The following C12orf42 variants were observed in gnomAD, a reference collection of about 807,000 sequenced individuals.
C12orf42 encodes the protein uncharacterized protein C12orf42.
In C12orf42, 25 loss-of-function variants were observed where a neutral mutation model predicts 21.6. That is an observed-to-expected ratio of 1.16 (90% CI 0.84 to 1.62). The LOEUF (loss-of-function observed/expected upper bound fraction) is 1.62, where lower values mean the gene tolerates loss of function less well. C12orf42 is among the 40% of genes most tolerant of loss of function. The probability of loss-of-function intolerance (pLI) is 0.00; values close to 1 mark genes in which losing one functional copy is unlikely to be tolerated. For synonymous variants in C12orf42, 174 were observed against 175.0 expected, an observed-to-expected ratio of 0.99 and a Z score of 0.05; for missense variants, 483 against 459.3, an observed-to-expected ratio of 1.05 and a Z score of -0.47.
chr12:103,431,309 T>C (rs1592773272), intron 2 of C12orf42: 1 of 152,204 alleles, frequency 6.6e-6, no homozygotes, highest in Non-Finnish European at 1.5e-5. Flanking sequence ...CTAAAAGTGA[T>C]GGAGTTGAAA....
chr12:103,222,970 T>C, the C12orf42 span, among the ~76,000 whole-genome samples: 1 of 151,982 alleles, frequency 6.6e-6, no homozygotes, highest in South Asian at 2.1e-4. Context: ...CACTGGCTTC[T>C]TCCATTCAGT....
chr12:103,333,390 AT>A (rs2041416493), intron 4 of C12orf42, among the ~76,000 whole-genome samples: 1 of 152,232 alleles, frequency 6.6e-6, no homozygotes, highest in South Asian at 2.1e-4. Context: ...AATGTCAGTC[AT>A]TATTGCCATT....
At chr12:103,428,510 A>T (rs1221908605) in intron 2 of C12orf42, among the ~76,000 whole-genome samples, 1 of 152,200 alleles carries the variant, frequency 6.6e-6, no homozygotes, top group Non-Finnish European at 1.5e-5. Context: ...CCAGGACCAG[A>T]AGGATTCACA....
chr12:103,357,019 C>T (rs1033996905), intron 4 of C12orf42, among the ~76,000 whole-genome samples: 20 of 151,692 alleles, frequency 1.3e-4, no homozygotes, highest in African/African-American at 4.6e-4. Flanking sequence ...AATTGGAAAT[C>T]ATCATTCTCA....
At chr12:103,395,121 T>C (rs1291761845) in intron 3 of C12orf42, among the ~76,000 whole-genome samples, 1 of 152,260 alleles carries the variant, frequency 6.6e-6, no homozygotes, top group Middle Eastern at 3.2e-3. Flanking sequence ...TCTTACGTTC[T>C]ATCATTCAGC....
At chr12:103,141,672 G>C in the C12orf42 span, among the ~76,000 whole-genome samples, 1 of 151,900 alleles carries the variant, frequency 6.6e-6, no homozygotes, top group African/African-American at 2.4e-5. Flanking sequence ...TGGGATTACA[G>C]GCGTCCACCA....
chr12:103,533,543 G>C, the C12orf42 span, among the ~76,000 whole-genome samples: 2 of 152,166 alleles, frequency 1.3e-5, no homozygotes, highest in African/African-American at 4.8e-5. Context: ...GGGAACCAAA[G>C]CTCACACTGT....
chr12:103,443,323 G>A (rs1951375235), intron 2 of C12orf42, among the ~76,000 whole-genome samples: 1 of 152,040 alleles, frequency 6.6e-6, no homozygotes, highest in African/African-American at 2.4e-5. Context: ...ATATTTTTAT[G>A]TTCATTATCT....
the C12orf42 span, among the ~76,000 whole-genome samples, chr12:103,535,508 A>T: frequency 2.0e-5 from 3 of 151,986 alleles, no homozygotes; most frequent in Admixed American, 6.6e-5. Flanking sequence ...TTGGTAGATC[A>T]TGGGAGCCTT....
At chr12:103,156,648 C>T in the C12orf42 span, among the ~76,000 whole-genome samples, 5 of 152,132 alleles carry the variant, frequency 3.3e-5, no homozygotes, top group African/African-American at 1.2e-4. Context: ...CCACAACAGG[C>T]CCTTGTGTGT....
chr12:103,517,682 TA>T, the C12orf42 span, among the ~76,000 whole-genome samples: 8,895 of 152,160 alleles, frequency 0.058, 869 homozygotes, highest in African/African-American at 0.2. Flanking sequence ...TGCTTTGAAT[TA>T]TTTTTTTTCA....
chr12:103,471,820 AT>A (rs369556526), intron 2 of C12orf42, among the ~76,000 whole-genome samples: 349 of 152,276 alleles, frequency 2.3e-3, no homozygotes, highest in African/African-American at 7.9e-3. Context: ...TGACCTCTCT[AT>A]TTTTCCATTC....
chr12:103,099,865 GT>G, the C12orf42 span, among the ~76,000 whole-genome samples: 1 of 152,112 alleles, frequency 6.6e-6, no homozygotes, highest in Non-Finnish European at 1.5e-5. Context: ...AATATACCAA[GT>G]TTTTTGTGAA....
rs758389492 is a variant in C12orf42 at position 103,358,426 on chromosome 12, G to C, written c.259+10461C>G. On this transcript the variant is annotated intron_variant, in intron 4 of 5. Coordinates refer to ENST00000548883, the MANE Select transcript of C12orf42 (RefSeq NM_198521.5). ...CTGGAATAAGCCATTTCAGGAGTAA[G>C]AGCAATTCATCCAAGTTAATCAAGA... Among the ~76,000 whole-genome samples the C allele has an allele frequency of 5.9e-5, 9 of 152,124 alleles. 1 individual carries two copies. The highest frequency in any genetic ancestry group is 1.2e-4 in the Non-Finnish European group (8 of 67,962).
At chr12:103,448,036 G>A (rs575396699) in intron 2 of C12orf42, among the ~76,000 whole-genome samples, 3 of 151,758 alleles carry the variant, frequency 2.0e-5, no homozygotes, top group Admixed American at 1.3e-4. Flanking sequence ...ATTACCCAAC[G>A]TCAAACTATA....
intron 4 of C12orf42, among the ~76,000 whole-genome samples, chr12:103,352,253 G>A (rs2043162914): frequency 1.3e-5 from 2 of 152,132 alleles, no homozygotes; most frequent in Admixed American, 1.3e-4. Context: ...ATTTGAAGCA[G>A]AGGCCAAGTA....
At chr12:103,071,493 G>A in the C12orf42 span, among the ~76,000 whole-genome samples, 4 of 152,118 alleles carry the variant, frequency 2.6e-5, no homozygotes, top group African/African-American at 9.7e-5. Context: ...TGATTCGGCT[G>A]TGTTCCCATC....
At chr12:103,075,123 A>C in the C12orf42 span, among the ~76,000 whole-genome samples, 1 of 152,124 alleles carries the variant, frequency 6.6e-6, no homozygotes, top group African/African-American at 2.4e-5. Flanking sequence ...CACAGAAAAG[A>C]AAAGGATCTG....
At chr12:103,551,211 T>C in the C12orf42 span, among the ~76,000 whole-genome samples, 2 of 144,540 alleles carry the variant, frequency 1.4e-5, no homozygotes, top group South Asian at 4.7e-4. Context: ...TTTCAGGAAT[T>C]GTTGATTCTG....
Sources: allele counts gnomAD v4.1 joint callset (sites outside exome capture counted in the v4.1 genomes callset), GRCh38; gene constraint gnomAD v4.1.1; transcripts MANE v1.5; gene names NCBI Gene and HGNC (gene_info 2026-07-23, HGNC 2026-07-21).